The following NFRKB variants were observed in gnomAD, a reference collection of about 807,000 sequenced individuals.
NFRKB encodes the protein nuclear factor related to kappa-B-binding protein.
A neutral mutation model predicts 135.7 loss-of-function variants in NFRKB; 62 were observed. The observed-to-expected ratio is 0.46, with a 90% confidence interval of 0.37 to 0.56. The LOEUF (loss-of-function observed/expected upper bound fraction) is 0.56. NFRKB is among the 20% of genes least tolerant of loss of function. The pLI is 0.00. For synonymous variants in NFRKB, 678 were observed against 635.6 expected (o/e 1.07, Z -1.00); for missense variants, 1,545 against 1,662.0 (o/e 0.93, Z 1.22).
chr11:129,888,045 G>T, intron 4 of NFRKB, among the ~76,000 whole-genome samples: 1 of 152,104 alleles, frequency 6.6e-6, no homozygotes, highest in East Asian at 1.9e-4. Context: ...CCAAAGAAAA[G>T]AAAAGAAAAT....
At chr11:129,885,842 T>C (rs1389065220) in intron 5 of NFRKB, among the ~76,000 whole-genome samples, 1 of 152,258 alleles carries the variant, frequency 6.6e-6, no homozygotes, top group Non-Finnish European at 1.5e-5. Flanking sequence ...TACTTTTTTA[T>C]ACTAGACATT....
At chr11:129,869,463 G>C (rs1157667457) in intron 24 of NFRKB, 31 bp downstream of exon 24, 2 of 1,538,082 alleles carry the variant, frequency 1.3e-6, no homozygotes, top group Non-Finnish European at 1.7e-6. Flanking sequence ...TTCTAAAAAA[G>C]AAGGCCTAAG....
chr11:129,882,642 AAAGT>A lies in NFRKB; in HGVS notation c.902-15_902-12del. On this transcript the variant is annotated splice_polypyrimidine_tract_variant and intron_variant, in intron 9 of 26. Coordinates refer to ENST00000682444, the MANE Select transcript of NFRKB (RefSeq NM_001143835.2). Reference sequence around the variant, plus strand: ...CCAAGTCATATAAGGCTAGAAAGGCAAAGTAACACCAGTCACAGAAATGTATCTC... The same window carrying A: ...CCAAGTCATATAAGGCTAGAAAGGCAAACACCAGTCACAGAAATGTATCTC... 6.2e-7 allele frequency: 1 copy of A among 1,612,022 alleles called. No individual in the cohort carries two copies. The highest frequency in any genetic ancestry group is 8.5e-7 in the Non-Finnish European group (1 of 1,179,304).
rs1271117386 is a variant in NFRKB at position 129,869,974 on chromosome 11, T to C, written c.3051A>G (p.Val1017=). ...CCTTGGCAGGGCTATCAGCTGCATG[T>C]ACTGGATTGGAAGTGACGTGTAAGG... ...SATLHVTSNP[V]HAADSPAKAS... Residue 1017 remains valine (V), a synonymous_variant, in exon 24 of 27, where the codon GTA becomes GTG. Coordinates refer to ENST00000682444, the MANE Select transcript of NFRKB (RefSeq NM_001143835.2). 1.2e-6 allele frequency: 2 copies of C among 1,614,272 alleles called. No individual in the cohort carries two copies. The highest frequency in any genetic ancestry group is 2.7e-5 in the African/African-American group (2 of 75,072).
rs74508452 is a variant in NFRKB at position 129,878,275 on chromosome 11, A to G, written c.1511+34T>C. The G allele has an allele frequency of 5.3e-3, 8,531 of 1,608,436 alleles. 397 individuals carry two copies. The African/African-American group carries it at 0.1, about 19-fold the overall frequency. ...GGCAGTATCTGAACTACAGTTTCCCAGGACACCACCCACCACTACAGTATT... is the reference window on the plus strand; with the variant it reads ...GGCAGTATCTGAACTACAGTTTCCCGGGACACCACCCACCACTACAGTATT... On this transcript the variant is annotated intron_variant, in intron 15 of 26. Coordinates refer to ENST00000682444, the MANE Select transcript of NFRKB (RefSeq NM_001143835.2).
chr11:129,895,256 C>G (rs74519930), intron 1 of NFRKB, among the ~76,000 whole-genome samples: 1 of 152,324 alleles, frequency 6.6e-6, no homozygotes, highest in Admixed American at 6.5e-5. Context: ...CCCTCCGGTG[C>G]CAGCCCGGCT....
intron 8 of NFRKB, among the ~76,000 whole-genome samples, chr11:129,883,454 C>T (rs1033377545): frequency 6.6e-6 from 1 of 152,200 alleles, no homozygotes; most frequent in Non-Finnish European, 1.5e-5. Context: ...AGCTCTTCTG[C>T]ATTCCTTGTC....
chr11:129,892,679 CAG>C, intron 3 of NFRKB, 34 bp downstream of exon 3: 1 of 1,604,700 alleles, frequency 6.2e-7, no homozygotes, highest in Non-Finnish European at 8.5e-7. Flanking sequence ...AGGAAGCTGA[CAG>C]AGAGGAAAAG....
intron 22 of NFRKB, 115 bp from the exon 23 acceptor site, chr11:129,873,211 C>T (rs1039521088): frequency 1.1e-5 from 9 of 852,722 alleles, no homozygotes; most frequent in African/African-American, 3.4e-5. Flanking sequence ...GCTTCTAATC[C>T]CACAGTACTT....
chr11:129,873,630 C>T, intron 22 of NFRKB, 115 bp downstream of exon 22: 1 of 1,367,744 alleles, frequency 7.3e-7, no homozygotes, highest in Non-Finnish European at 1.0e-6. Context: ...ATGTCATCAC[C>T]AGTAGCAATA....
chr11:129,883,281 G>T lies in NFRKB; in HGVS notation c.817-75C>A, dbSNP rs554420066. The T allele has an allele frequency of 2.0e-5, 21 of 1,027,850 alleles. No individual in the cohort carries two copies. In the East Asian group the frequency reaches 4.3e-4, roughly 21 times the overall value. 63.7% of individuals were successfully genotyped at this position (1,027,850 alleles called of 1,614,324 possible). A position where few individuals can be genotyped will look rare whatever the true frequency, so the allele number is the denominator to read the frequency against. The stretch of plus-strand genomic sequence containing the variant: ...AACTGAGGTGACTTTGCCAATTTAT[G>T]TAACAATTAGATGTTAGGTACACTT... On this transcript the variant is annotated intron_variant, in intron 8 of 26. Coordinates refer to ENST00000682444, the MANE Select transcript of NFRKB (RefSeq NM_001143835.2).
Position 129,864,484 on chromosome 11 carries a change from G to A in NFRKB, c.*241C>T, listed in dbSNP as rs1446580277. 4.2e-6 allele frequency: 2 copies of A among 475,908 alleles called. No individual in the cohort carries two copies. The highest frequency in any genetic ancestry group is 7.6e-6 in the Non-Finnish European group (2 of 264,814). 29.5% of individuals were successfully genotyped at this position (475,908 alleles called of 1,614,324 possible). On this transcript the variant is annotated 3_prime_UTR_variant, in exon 27 of 27. Coordinates refer to ENST00000682444, the MANE Select transcript of NFRKB (RefSeq NM_001143835.2). ...ACTGGTAATTCCTGCAATTTCAACA[G>A]AATATTCTCCTAGATTGGTAGAGAG...
chr11:129,881,775 C>T lies in NFRKB; in HGVS notation c.1270G>A (p.Ala424Thr). 2 of 1,614,038 alleles carry T rather than the reference C, an allele frequency of 1.2e-6. No individual in the cohort carries two copies. Among genetic ancestry groups the T allele is most frequent in the East Asian group, 4.5e-5 (2 of 44,880 alleles). Residue 424 changes from alanine (A) to threonine (T), a missense_variant, in exon 12 of 27, where the codon GCT becomes ACT. Ala to Thr is a moderately conservative substitution (Grantham distance 58). Coordinates refer to ENST00000682444, the MANE Select transcript of NFRKB (RefSeq NM_001143835.2). ...TGCAGGGCTGGTAGTACCAACTCAG[C>T]CCAGTTGGGGGCCGCAGAGAACCAG... is the stretch of plus-strand genomic sequence containing the variant. ...NSWFSAAPNWAELVLPALQYL... is the reference protein window; with the variant it reads ...NSWFSAAPNWTELVLPALQYL...
chr11:129,878,210 A>G (rs1450550537), intron 15 of NFRKB, 99 bp downstream of exon 15: 2 of 1,301,850 alleles, frequency 1.5e-6, no homozygotes, highest in Non-Finnish European at 2.2e-6. Flanking sequence ...TCTGAAGCCC[A>G]TTACAGCTCT....
At chr11:129,892,046 T>TC (rs1379157291) in intron 3 of NFRKB, among the ~76,000 whole-genome samples, 1 of 152,124 alleles carries the variant, frequency 6.6e-6, no homozygotes, top group Non-Finnish European at 1.5e-5. Context: ...TTCTTCCTTT[T>TC]TTTTTTCTAT....
chr11:129,893,344 T>C (rs1454675905), intron 2 of NFRKB: 1 of 439,014 alleles, frequency 2.3e-6, no homozygotes, highest in Non-Finnish European at 4.5e-6. Flanking sequence ...CTTGAATCCA[T>C]GAGTTTGAGA....
intron 24 of NFRKB, among the ~76,000 whole-genome samples, chr11:129,867,143 T>G (rs1286953765): frequency 6.6e-6 from 1 of 152,160 alleles, no homozygotes; most frequent in Non-Finnish European, 1.5e-5. Flanking sequence ...GCACCATCAA[T>G]ACTTCCTGCC....
rs915678962 is a variant in NFRKB at position 129,875,147 on chromosome 11, G to A, written c.1854+210C>T. On this transcript the variant is annotated intron_variant, in intron 18 of 26. Coordinates refer to ENST00000682444, the MANE Select transcript of NFRKB (RefSeq NM_001143835.2). The stretch of plus-strand genomic sequence containing the variant: ...ACTATAAGGATACTGTGAAGTAAGT[G>A]ACCAGTCTGCCCTTTATCATAAGCT... 4.6e-5 allele frequency among the ~76,000 whole-genome samples: 7 copies of A among 152,214 alleles called. No individual in the cohort carries two copies. The East Asian group carries it at 1.2e-3, about 25-fold the overall frequency.
chr11:129,889,919 G>A (rs1482324521), intron 3 of NFRKB, among the ~76,000 whole-genome samples: 1 of 150,238 alleles, frequency 6.7e-6, no homozygotes, highest in Non-Finnish European at 1.5e-5. Flanking sequence ...TACCCTAACT[G>A]AAGGCTACAT....
Sources: gnomAD v4.1 joint callset for allele counts (sites outside exome capture counted in the v4.1 genomes callset) on GRCh38, gnomAD v4.1.1 for gene constraint, MANE v1.5 for transcripts, NCBI Gene and HGNC (gene_info 2026-07-23, HGNC 2026-07-21) for gene names.